The following PXK variants were observed in gnomAD, a reference collection of about 807,000 sequenced individuals.
The protein encoded by PXK is PX domain containing serine/threonine kinase like, also known as PX domain-containing protein kinase-like protein.
PXK carries 35 observed loss-of-function variants against 84.7 expected under a neutral mutation model. That is an observed-to-expected ratio of 0.41 (90% CI 0.32 to 0.55). The LOEUF (loss-of-function observed/expected upper bound fraction) is 0.55. Among genes scored for constraint, PXK ranks in the 20% least tolerant of loss-of-function variants. PXK has a pLI of 0.21. For missense variants in PXK, 634 were observed against 699.7 expected (o/e 0.91, Z 1.06); for synonymous variants, 253 against 260.8 (o/e 0.97, Z 0.29).
chr3:58,413,883 A>G (rs1466883302), intron 17 of PXK: 4 of 152,212 alleles, frequency 2.6e-5, no homozygotes, highest in African/African-American at 9.7e-5. Context: ...TGCCAAGAGC[A>G]TTCTTCAGCT....
At position 58,341,508 on chromosome 3, in the gene PXK, G is replaced by A. The variant is rs959904966; in HGVS notation, c.102+8418G>A. On this transcript the variant is annotated intron_variant, in intron 1 of 17. Coordinates refer to ENST00000356151, the MANE Select transcript of PXK (RefSeq NM_017771.5). ...ACCCAGGGGACGGTGGTTGCAGTGA[G>A]CCAAGATCATGCCACTGCACTGCAT... Among the ~76,000 whole-genome samples, 7 of 152,036 alleles carry A rather than the reference G, an allele frequency of 4.6e-5. No individual in the cohort carries two copies. In the East Asian group the frequency reaches 7.7e-4, roughly 17 times the overall value.
At chr3:58,372,736 C>G (rs908329423) in intron 3 of PXK, among the ~76,000 whole-genome samples, 1 of 130,746 alleles carries the variant, frequency 7.6e-6, no homozygotes, top group Non-Finnish European at 1.8e-5. Context: ...AAGCAATTCT[C>G]CTGCCATAAC....
chr3:58,384,320 G>A (rs549640423), intron 4 of PXK, among the ~76,000 whole-genome samples: 2 of 152,194 alleles, frequency 1.3e-5, no homozygotes, highest in Non-Finnish European at 2.9e-5. Context: ...GAAGCCTCAC[G>A]CTAGGATGTA....
At chr3:58,372,657 C>T (rs558214883) in intron 3 of PXK, among the ~76,000 whole-genome samples, 138 of 151,510 alleles carry the variant, frequency 9.1e-4, no homozygotes, top group Non-Finnish European at 1.6e-3. Context: ...GATGGAGTCT[C>T]GCCCTGTCAC....
rs878894333 is a variant in PXK, at chr3:58,369,581, T to C, written c.201+103T>C. ...GGCTCAACGCCTGTAATCCCAGCAC[T>C]TGGGGAGGCCAATGCGGGTGGATCA... On this transcript the variant is annotated intron_variant, in intron 3 of 17. Coordinates refer to ENST00000356151, the MANE Select transcript of PXK (RefSeq NM_017771.5). 1.5e-4 allele frequency: 132 copies of C among 884,324 alleles called. 2 individuals carry two copies. The South Asian group carries it at 1.9e-3, about 13-fold the overall frequency. The allele number at this position is 884,324 out of a possible 1,614,324, so 54.8% of individuals were successfully genotyped here. A position where few individuals can be genotyped will look rare whatever the true frequency, so the allele number is the denominator to read the frequency against.
intron 3 of PXK, among the ~76,000 whole-genome samples, chr3:58,371,854 C>CTT (rs2098377363): frequency 6.6e-6 from 1 of 152,080 alleles, no homozygotes; most frequent in Middle Eastern, 3.4e-3. Context: ...TTTCTGGATT[C>CTT]AAGTAAACAA....
intron 3 of PXK, among the ~76,000 whole-genome samples, chr3:58,375,661 A>G (rs1166613499): frequency 1.3e-5 from 2 of 152,174 alleles, no homozygotes; most frequent in Non-Finnish European, 2.9e-5. Context: ...GTTTCTTCCC[A>G]CATCCCAAAG....
chr3:58,421,242 G>T lies in PXK; in HGVS notation c.1529-3510G>T, dbSNP rs2061793223. The T allele has an allele frequency of 1.0e-6, 1 of 985,376 alleles. No homozygotes were observed. Among genetic ancestry groups the T allele is most frequent in the African/African-American group, 1.7e-5 (1 of 57,334 alleles). 61.0% of individuals were successfully genotyped at this position (985,376 alleles called of 1,614,324 possible). Reference sequence around the variant, plus strand: ...CCACAAAGGAGCTCAGAATTAGAGAGACTGTAGATTACCCACTGCTGGCTG... The same window carrying T: ...CCACAAAGGAGCTCAGAATTAGAGATACTGTAGATTACCCACTGCTGGCTG... On this transcript the variant is annotated intron_variant, in intron 17 of 17. Coordinates refer to ENST00000356151, the MANE Select transcript of PXK (RefSeq NM_017771.5). The surrounding 1 kb of genome is among the most constrained non-coding windows in gnomAD (Gnocchi z 5.5).
At chr3:58,420,428 G>A (rs2061649924) in intron 17 of PXK, 8 of 1,356,760 alleles carry the variant, frequency 5.9e-6, no homozygotes, top group Middle Eastern at 1.8e-4. Context: ...TAATCAGCTT[G>A]TGATTCAGAC....
rs1451583616 is a variant in PXK, at chr3:58,378,492, C to CTTCTTCT, written c.202-4020_202-4019insCTTCTTT. On this transcript the variant is annotated intron_variant, in intron 3 of 17. Coordinates refer to ENST00000356151, the MANE Select transcript of PXK (RefSeq NM_017771.5). ...ATTGGATTTGGACTTCATTTTTCTTCTTTTTTTTTTTTTTTTTTTTTGTGT... is the reference window on the plus strand; with the variant it reads ...ATTGGATTTGGACTTCATTTTTCTTCTTCTTCTTTTTTTTTTTTTTTTTTTTTTGTGT... 5.8e-4 allele frequency among the ~76,000 whole-genome samples: 14 copies of CTTCTTCT among 24,326 alleles called. 1 individual carries two copies. Among genetic ancestry groups the CTTCTTCT allele is most frequent in the African/African-American group, 1.8e-3 (13 of 7,150 alleles). 16.0% of individuals were successfully genotyped at this position (24,326 alleles called of 152,430 possible). A position where few individuals can be genotyped will look rare whatever the true frequency, so the allele number is the denominator to read the frequency against.
At chr3:58,413,485 G>A (rs997366815) in intron 17 of PXK, 1 of 152,654 alleles carries the variant, frequency 6.6e-6, no homozygotes, top group African/African-American at 2.4e-5. Flanking sequence ...ATATTTTTCT[G>A]TTATTAGCCT....
intron 1 of PXK, among the ~76,000 whole-genome samples, chr3:58,335,860 G>T (rs1275250738): frequency 4.6e-5 from 7 of 151,646 alleles, no homozygotes; most frequent in African/African-American, 1.7e-4. Context: ...TTGTTAGGAA[G>T]ATCAAATGAA....
At chr3:58,389,639 A>G (rs1253725189) in intron 4 of PXK, among the ~76,000 whole-genome samples, 3 of 150,606 alleles carry the variant, frequency 2.0e-5, no homozygotes, top group Non-Finnish European at 4.4e-5. Context: ...CTGGGTGGAG[A>G]TGGCAAATAC....
At chr3:58,413,261 G>A in intron 17 of PXK, 1 of 459,248 alleles carries the variant, frequency 2.2e-6, no homozygotes, top group African/African-American at 2.0e-5. Flanking sequence ...AGCCTGTCTT[G>A]GTACATGCTT....
intron 1 of PXK, among the ~76,000 whole-genome samples, chr3:58,363,831 GA>G (rs1404974682): frequency 6.6e-6 from 1 of 152,166 alleles, no homozygotes; most frequent in African/African-American, 2.4e-5. Flanking sequence ...GATCTTAGGG[GA>G]AAATACTGAG....
chr3:58,345,467 A>G (rs564463480), intron 1 of PXK, among the ~76,000 whole-genome samples: 1 of 152,330 alleles, frequency 6.6e-6, no homozygotes, highest in Admixed American at 6.5e-5. Context: ...GAGAAACAGC[A>G]TCTTCAGACA....
chr3:58,364,526 A>T lies in PXK; in HGVS notation c.103-1348A>T, dbSNP rs542309167. 1.7e-3 allele frequency among the ~76,000 whole-genome samples: 255 copies of T among 152,282 alleles called. 2 individuals are homozygous for T. Among genetic ancestry groups the T allele is most frequent in the African/African-American group, 5.8e-3 (241 of 41,546 alleles). On this transcript the variant is annotated intron_variant, in intron 1 of 17. Coordinates refer to ENST00000356151, the MANE Select transcript of PXK (RefSeq NM_017771.5). This position sits in a 1 kb window ranked among gnomAD's most constrained non-coding sequence, Gnocchi z 4.3. ...CAGGAGTTCGAGACCAGCTGGGCCAATATGGTGAAACCCCATCTCCGCTAA... is the reference window on the plus strand; with the variant it reads ...CAGGAGTTCGAGACCAGCTGGGCCATTATGGTGAAACCCCATCTCCGCTAA...
Position 58,409,765 on chromosome 3 carries a change from T to C in PXK, c.1395+147T>C. 1.7e-6 allele frequency: 1 copy of C among 589,300 alleles called. No homozygotes were observed. The highest frequency in any genetic ancestry group is 2.7e-6 in the Non-Finnish European group (1 of 368,144). 36.5% of individuals were successfully genotyped at this position (589,300 alleles called of 1,614,324 possible). A position where few individuals can be genotyped will look rare whatever the true frequency, so the allele number is the denominator to read the frequency against. ...TATTTCCAGATGACTGGGGTGCAGTTTTTTTGGGGAAAAAAAAAGAGTCAT... is the reference window on the plus strand; with the variant it reads ...TATTTCCAGATGACTGGGGTGCAGTCTTTTTGGGGAAAAAAAAAGAGTCAT... On this transcript the variant is annotated intron_variant, in intron 15 of 17. Transcript: ENST00000356151. This position sits in a 1 kb window ranked among gnomAD's most constrained non-coding sequence, Gnocchi z 4.2.
At chr3:58,413,316 C>T (rs2107637917) in intron 17 of PXK, 2 of 280,992 alleles carry the variant, frequency 7.1e-6, no homozygotes, top group South Asian at 4.5e-5. Context: ...TCCCGTCCTG[C>T]CAGGCCTCTC....
Sources: allele counts gnomAD v4.1 joint callset (sites outside exome capture counted in the v4.1 genomes callset), GRCh38; gene constraint gnomAD v4.1.1; non-coding constraint Gnocchi (gnomAD v3.1); transcripts MANE v1.5; gene names NCBI Gene and HGNC (gene_info 2026-07-23, HGNC 2026-07-21).